Variants in CSMD1 observed in about 807,000 individuals in gnomAD.
CSMD1 encodes CUB and Sushi multiple domains 1, also known as CUB and sushi domain-containing protein 1.
A neutral mutation model predicts 417.5 loss-of-function variants in CSMD1; 213 were observed. That is an observed-to-expected ratio of 0.51 (90% confidence interval 0.46 to 0.57). The LOEUF is 0.57. Ranked by LOEUF, CSMD1 falls within the 20% of genes least tolerant of loss-of-function variation. The pLI is 0.00. For missense variants in CSMD1, 6,923 were observed against 4,529.7 expected (o/e 1.53, Z -15.17); for synonymous variants, 2,862 against 1,736.8 (o/e 1.65, Z -16.11).
intron 3 of CSMD1, among the ~76,000 whole-genome samples, chr8:4,416,871 T>C (rs969868460): frequency 5.3e-5 from 8 of 152,074 alleles, no homozygotes; most frequent in Admixed American, 2.0e-4. Flanking sequence ...ACAAATAAAA[T>C]TTATAGACAT....
rs2117441678 is a variant in CSMD1 at position 3,659,572 on chromosome 8, C to G, written c.1010-42775G>C. ...TTTTTTCGGGGGGTTATCATATTAGCAAAAATGATTCAACTGTGAATTGGT... is the reference window on the plus strand; with the variant it reads ...TTTTTTCGGGGGGTTATCATATTAGGAAAAATGATTCAACTGTGAATTGGT... On this transcript the variant is annotated intron_variant, in intron 7 of 69. Coordinates refer to ENST00000635120, the MANE Select transcript of CSMD1 (RefSeq NM_033225.6). 2.0e-5 allele frequency among the ~76,000 whole-genome samples: 3 copies of G among 152,186 alleles called. No individual in the cohort carries two copies. In the Middle Eastern group the frequency reaches 0.01, roughly 518 times the overall value.
intron 3 of CSMD1, among the ~76,000 whole-genome samples, chr8:4,260,211 T>C (rs2128840311): frequency 6.6e-6 from 1 of 152,328 alleles, no homozygotes; most frequent in East Asian, 1.9e-4. Flanking sequence ...CCTATCTAAT[T>C]GGGGTGAACA....
chr8:3,337,107 C>G (rs1467428673), intron 23 of CSMD1, among the ~76,000 whole-genome samples: 1 of 152,082 alleles, frequency 6.6e-6, no homozygotes, highest in Non-Finnish European at 1.5e-5. Flanking sequence ...GACTAATCCC[C>G]TGGAACCCTG....
At chr8:3,403,666 T>G (rs1462429961) in intron 15 of CSMD1, among the ~76,000 whole-genome samples, 1 of 152,164 alleles carries the variant, frequency 6.6e-6, no homozygotes, top group Admixed American at 6.5e-5. Flanking sequence ...AGAACAGAGA[T>G]GAGAGTGTAG....
At chr8:3,934,453 A>T (rs993113581) in intron 5 of CSMD1, among the ~76,000 whole-genome samples, 1 of 152,216 alleles carries the variant, frequency 6.6e-6, no homozygotes, top group Non-Finnish European at 1.5e-5. Context: ...CATAATTTTC[A>T]AAGTAAATGA....
intron 2 of CSMD1, among the ~76,000 whole-genome samples, chr8:4,483,052 G>C (rs1282822390): frequency 6.6e-6 from 1 of 152,104 alleles, no homozygotes; most frequent in Non-Finnish European, 1.5e-5. Context: ...TCTTGGATTG[G>C]ACTCCCATAA....
At chr8:4,717,374 TAC>T (rs751985785) in intron 1 of CSMD1, among the ~76,000 whole-genome samples, 95 of 141,176 alleles carry the variant, frequency 6.7e-4, no homozygotes, top group Admixed American at 1.4e-3. Flanking sequence ...CACATATATA[TAC>T]ACACACACAT....
chr8:3,820,903 T>A (rs1440668010), intron 5 of CSMD1, among the ~76,000 whole-genome samples: 2 of 151,980 alleles, frequency 1.3e-5, no homozygotes, highest in African/African-American at 2.4e-5. Flanking sequence ...AGGACCTGCC[T>A]GAGGGTGTTC....
intron 2 of CSMD1, among the ~76,000 whole-genome samples, chr8:4,464,895 T>A (rs1056722082): frequency 6.6e-6 from 1 of 152,120 alleles, no homozygotes; most frequent in African/African-American, 2.4e-5. Flanking sequence ...TTTTTATTAG[T>A]TTTATTAGCC....
At chr8:3,000,846 G>T (rs760941944) in intron 52 of CSMD1, among the ~76,000 whole-genome samples, 3 of 152,174 alleles carry the variant, frequency 2.0e-5, no homozygotes, top group Admixed American at 2.0e-4. Flanking sequence ...CGCGACAGGC[G>T]TCTTTACTTA....
chr8:3,175,857 G>T (rs911969641), intron 37 of CSMD1, among the ~76,000 whole-genome samples: 6 of 152,138 alleles, frequency 3.9e-5, no homozygotes, highest in Admixed American at 6.6e-5. Context: ...TGTGAATTAG[G>T]AGAAAAAGTA....
At chr8:4,224,194 CA>C (rs1801209325) in intron 3 of CSMD1, among the ~76,000 whole-genome samples, 1 of 150,298 alleles carries the variant, frequency 6.7e-6, no homozygotes, top group South Asian at 2.1e-4. Flanking sequence ...GAAAGTTATG[CA>C]AAGCGTTTGT....
In CSMD1 at chr8:4,269,835, C is replaced by G. The variant is rs1171411296; in HGVS notation, c.415+150118G>C. Among the ~76,000 whole-genome samples, 4 of 152,312 alleles carry G rather than the reference C, an allele frequency of 2.6e-5. No individual in the cohort carries two copies. The East Asian group carries it at 5.8e-4, about 22-fold the overall frequency. ...TCTCAGAATTACAAGTAGTGCCAAT[C>G]TATCCTTCCCCTACAAAATGTCTTG... On this transcript the variant is annotated intron_variant, in intron 3 of 69. Transcript: ENST00000635120.
chr8:3,842,776 C>G (rs780478386), intron 5 of CSMD1, among the ~76,000 whole-genome samples: 3 of 152,034 alleles, frequency 2.0e-5, no homozygotes, highest in Non-Finnish European at 4.4e-5. Flanking sequence ...TATTTGATTT[C>G]AAAACTGTCT....
chr8:4,026,405 T>A (rs1488359280), intron 4 of CSMD1, among the ~76,000 whole-genome samples: 1 of 152,208 alleles, frequency 6.6e-6, no homozygotes, highest in African/African-American at 2.4e-5. Context: ...ACCACATGGG[T>A]GGCAGCATAG....
At chr8:3,958,916 A>C (rs778190477) in intron 5 of CSMD1, among the ~76,000 whole-genome samples, 4 of 152,204 alleles carry the variant, frequency 2.6e-5, no homozygotes, top group African/African-American at 9.6e-5. Flanking sequence ...CTAATATACA[A>C]TCATTTGTGC....
intron 3 of CSMD1, among the ~76,000 whole-genome samples, chr8:4,057,679 A>T (rs1201873235): frequency 5.9e-5 from 9 of 151,462 alleles, no homozygotes; most frequent in African/African-American, 2.2e-4. Context: ...GTAACGTTTA[A>T]GTCTTTAATC....
At chr8:4,405,119 T>C (rs555716829) in intron 3 of CSMD1, among the ~76,000 whole-genome samples, 43 of 152,336 alleles carry the variant, frequency 2.8e-4, no homozygotes, top group African/African-American at 1.0e-3. Context: ...ACTATTGCCT[T>C]AGCATTGGTT....
intron 7 of CSMD1, among the ~76,000 whole-genome samples, chr8:3,637,013 C>T (rs1175737358): frequency 2.0e-5 from 3 of 152,124 alleles, no homozygotes; most frequent in African/African-American, 7.2e-5. Flanking sequence ...GCCCATCTGC[C>T]TTCCACCATG....
Sources: gnomAD v4.1 joint callset for allele counts (sites outside exome capture counted in the v4.1 genomes callset) on GRCh38, gnomAD v4.1.1 for gene constraint, MANE v1.5 for transcripts, NCBI Gene and HGNC (gene_info 2026-07-23, HGNC 2026-07-21) for gene names.